Variants in LHPP observed in about 807,000 individuals in gnomAD.
LHPP encodes the protein hLHPP.
LHPP carries 24 observed loss-of-function variants against 30.3 expected under a neutral mutation model. The ratio of observed to expected loss-of-function variants is 0.79; its 90% CI spans 0.57 to 1.11. The LOEUF (loss-of-function observed/expected upper bound fraction) is 1.11. Among genes scored for constraint, LHPP ranks in the 50% most tolerant of loss-of-function variants. LHPP has a pLI of 0.00. For synonymous variants in LHPP, 150 were observed against 157.1 expected, an observed-to-expected ratio of 0.95 and a Z score of 0.34; for missense variants, 356 against 367.2, an observed-to-expected ratio of 0.97 and a Z score of 0.25.
At chr10:124,571,636 T>C (rs1343577177) in intron 6 of LHPP, among the ~76,000 whole-genome samples, 1 of 152,160 alleles carries the variant, frequency 6.6e-6, no homozygotes, top group Non-Finnish European at 1.5e-5. Flanking sequence ...GGTAATGCAG[T>C]CCAGTTCATT....
At chr10:124,467,741 A>G (rs536127859) in intron 1 of LHPP, among the ~76,000 whole-genome samples, 21 of 115,270 alleles carry the variant, frequency 1.8e-4, no homozygotes, top group African/African-American at 7.0e-4. Flanking sequence ...GTTTTGAGAC[A>G]GTCTCACTCT....
chr10:124,521,990 G>A (rs1954622916), intron 6 of LHPP, among the ~76,000 whole-genome samples: 1 of 152,198 alleles, frequency 6.6e-6, no homozygotes, highest in African/African-American at 2.4e-5. Context: ...CACCTTAGAT[G>A]TATCCATTTC....
intron 2 of LHPP, among the ~76,000 whole-genome samples, chr10:124,484,694 GAGAA>G (rs1349895784): frequency 6.6e-6 from 1 of 151,676 alleles, no homozygotes; most frequent in Non-Finnish European, 1.5e-5. Flanking sequence ...GAGAGAGAGA[GAGAA>G]AATGAGAATG....
intron 6 of LHPP, among the ~76,000 whole-genome samples, chr10:124,603,837 CA>C (rs1204234443): frequency 6.6e-6 from 1 of 152,190 alleles, no homozygotes; most frequent in African/African-American, 2.4e-5. Flanking sequence ...GGCCTGTGGG[CA>C]GAGCTGGCCT....
At chr10:124,609,603 G>C (rs1281988316) in intron 6 of LHPP, among the ~76,000 whole-genome samples, 1 of 152,208 alleles carries the variant, frequency 6.6e-6, no homozygotes, top group Non-Finnish European at 1.5e-5. Flanking sequence ...CTCTAAAAGT[G>C]AAGAATAGGA....
rs1408127162 is a variant in LHPP, at chr10:124,593,132, C to T, written c.717-20132C>T. On this transcript the variant is annotated intron_variant, in intron 6 of 6. Coordinates refer to ENST00000368842, the MANE Select transcript of LHPP (RefSeq NM_022126.4). The surrounding 1 kb of genome is among the most constrained non-coding windows in gnomAD (Gnocchi z 4.9). ...GTCCCTGTGCTATGCCTCAGTCTCC[C>T]CATCTGTGTGGAGGAACTGATGAAG... 6.6e-6 allele frequency among the ~76,000 whole-genome samples: 1 copy of T among 152,192 alleles called. No individual in the cohort carries two copies. The highest frequency in any genetic ancestry group is 1.5e-5 in the Non-Finnish European group (1 of 68,026).
intron 6 of LHPP, among the ~76,000 whole-genome samples, chr10:124,553,117 T>C (rs1008650341): frequency 6.6e-6 from 1 of 152,240 alleles, no homozygotes; most frequent in Admixed American, 6.5e-5. Context: ...CAGTGCCTGC[T>C]TTTAGCACCC....
At chr10:124,487,456 T>C (rs1404869790) in intron 2 of LHPP, among the ~76,000 whole-genome samples, 1 of 151,378 alleles carries the variant, frequency 6.6e-6, no homozygotes, top group East Asian at 1.9e-4. Context: ...TTTTTTTTTT[T>C]TTTTGAGACA....
intron 5 of LHPP, among the ~76,000 whole-genome samples, chr10:124,506,912 GT>G (rs1469878150): frequency 3.0e-5 from 1 of 33,654 alleles, no homozygotes; most frequent in African/African-American, 1.3e-4. Flanking sequence ...AGGATTTCAG[GT>G]TGGGGGGTAG....
chr10:124,486,600 G>A (rs2885317), intron 2 of LHPP, among the ~76,000 whole-genome samples: 26,224 of 152,304 alleles, frequency 0.17, 2,430 homozygotes, highest in Non-Finnish European at 0.2. Context: ...TTCTCCCAGC[G>A]ATGATGTGTG....
intron 6 of LHPP, among the ~76,000 whole-genome samples, chr10:124,569,597 C>A (rs759331793): frequency 6.6e-6 from 1 of 152,182 alleles, no homozygotes; most frequent in Non-Finnish European, 1.5e-5. Context: ...TTCACTCGGC[C>A]AGGATTTGCC....
intron 6 of LHPP, among the ~76,000 whole-genome samples, chr10:124,540,405 T>G (rs1955152979): frequency 6.6e-6 from 1 of 152,212 alleles, no homozygotes; most frequent in South Asian, 2.1e-4. Flanking sequence ...CCAGGGGGGC[T>G]GCGCAGGATG....
At chr10:124,575,841 G>A (rs1299430214) in intron 6 of LHPP, among the ~76,000 whole-genome samples, 2 of 152,288 alleles carry the variant, frequency 1.3e-5, no homozygotes, top group East Asian at 3.9e-4. Flanking sequence ...GGATGAGTGA[G>A]TGAAGGAAAG....
Position 124,523,728 on chromosome 10 carries a change from A to C in LHPP, c.716+6457A>C, listed in dbSNP as rs537404140. On this transcript the variant is annotated intron_variant, in intron 6 of 6. Transcript: ENST00000368842. This position sits in a 1 kb window ranked among gnomAD's most constrained non-coding sequence, Gnocchi z 4.2. Reference sequence around the variant, plus strand: ...TCCTGCTGCCCTCCTGTGTAAACAGACCAGCCAGGGCAATCCGAGCCAGCC... The same window carrying C: ...TCCTGCTGCCCTCCTGTGTAAACAGCCCAGCCAGGGCAATCCGAGCCAGCC... Among the ~76,000 whole-genome samples, 1 of 152,284 alleles carries C rather than the reference A, an allele frequency of 6.6e-6. No homozygotes were observed. Among genetic ancestry groups the C allele is most frequent in the East Asian group, 1.9e-4 (1 of 5,176 alleles).
chr10:124,609,283 C>T lies in LHPP; in HGVS notation c.717-3981C>T, dbSNP rs114204235. Among the ~76,000 whole-genome samples the T allele has an allele frequency of 3.3e-3, 499 of 152,312 alleles. 3 individuals carry two copies. Among genetic ancestry groups the T allele is most frequent in the African/African-American group, 0.011 (475 of 41,572 alleles). ...TTCTTTTTGAGACTCTCATCTGTCACCCAGGTTGGAATGCAGTGGTGTGAT... is the reference window on the plus strand; with the variant it reads ...TTCTTTTTGAGACTCTCATCTGTCATCCAGGTTGGAATGCAGTGGTGTGAT... On this transcript the variant is annotated intron_variant, in intron 6 of 6. Transcript: ENST00000368842.
chr10:124,540,344 G>A (rs1955151370), intron 6 of LHPP, among the ~76,000 whole-genome samples: 1 of 152,128 alleles, frequency 6.6e-6, no homozygotes, highest in South Asian at 2.1e-4. Flanking sequence ...GGGACTTGCG[G>A]CCGGGGACCC....
chr10:124,560,296 A>G (rs1948374085), intron 6 of LHPP, among the ~76,000 whole-genome samples: 2 of 152,270 alleles, frequency 1.3e-5, no homozygotes, highest in African/African-American at 4.8e-5. Context: ...CACCGGCAAC[A>G]TCAGTTAACA....
chr10:124,545,134 C>T (rs1236034441), intron 6 of LHPP, among the ~76,000 whole-genome samples: 1 of 152,196 alleles, frequency 6.6e-6, no homozygotes. Flanking sequence ...ACAGCCTCTG[C>T]TGGCCCCGAA....
chr10:124,526,262 C>T (rs1954731560), intron 6 of LHPP: 1 of 983,260 alleles, frequency 1.0e-6, no homozygotes, highest in South Asian at 4.7e-5. Flanking sequence ...GGGGATAACG[C>T]AGGTATGCCT....
Sources: allele counts gnomAD v4.1 joint callset (sites outside exome capture counted in the v4.1 genomes callset), GRCh38; gene constraint gnomAD v4.1.1; non-coding constraint Gnocchi (gnomAD v3.1); transcripts MANE v1.5; gene names NCBI Gene and HGNC (gene_info 2026-07-23, HGNC 2026-07-21).